ZDHHC4: variants seen among roughly 807,000 people sequenced by gnomAD.
The protein encoded by ZDHHC4 is zDHHC palmitoyltransferase 4, also known as palmitoyltransferase ZDHHC4.
A neutral mutation model predicts 36.7 loss-of-function variants in ZDHHC4; 42 were observed. That is an observed-to-expected ratio of 1.14 (90% CI 0.89 to 1.48). The LOEUF is 1.48. Ranked by LOEUF, ZDHHC4 falls within the 40% of genes most tolerant of loss-of-function variation. The pLI, the probability that ZDHHC4 is intolerant of heterozygous loss-of-function variation, is 0.00. For synonymous variants in ZDHHC4, 189 were observed against 166.6 expected (o/e 1.13, Z -1.03); for missense variants, 457 against 421.5 (o/e 1.08, Z -0.74).
intron 7 of ZDHHC4, among the ~76,000 whole-genome samples, chr7:6,588,379 T>G (rs1237550682): frequency 6.6e-6 from 1 of 152,218 alleles, no homozygotes. Context: ...CTAAGTAAAC[T>G]TTCCCTTTTC....
intron 7 of ZDHHC4, among the ~76,000 whole-genome samples, chr7:6,586,659 A>G (rs547396392): frequency 6.6e-6 from 1 of 152,066 alleles, no homozygotes; most frequent in Non-Finnish European, 1.5e-5. Context: ...TAATTTTAGC[A>G]GAGAAGGGGT....
chr7:6,580,919 A>T (rs1780801666), intron 3 of ZDHHC4: 2 of 499,598 alleles, frequency 4.0e-6, no homozygotes, highest in Non-Finnish European at 3.6e-6. Flanking sequence ...CTGTCTCAAC[A>T]ACAACAAAAA....
At chr7:6,582,324 A>G (rs1780912743) in intron 5 of ZDHHC4, 73 bp downstream of exon 5, 3 of 1,360,674 alleles carry the variant, frequency 2.2e-6, no homozygotes, top group South Asian at 1.5e-5. Context: ...AAACAAGGAG[A>G]GGCCCCCCCT....
chr7:6,580,157 C>A (rs1011370499), intron 2 of ZDHHC4, among the ~76,000 whole-genome samples: 2 of 151,950 alleles, frequency 1.3e-5, no homozygotes, highest in African/African-American at 4.8e-5. Flanking sequence ...GTTTATCTTT[C>A]TTTTTTTATT....
At position 6,583,319 on chromosome 7, in the gene ZDHHC4, AG is replaced by A; in HGVS notation, c.385del (p.Ala129GlnfsTer15). The stretch of plus-strand genomic sequence containing the variant: ...TACTTTTCCCAGGCATTATAACAAA[AG>A]CAAATGAATTATTATTTCTTCATGT... ...CGTNPGIITK[A>X]NELLFLHVYE... On this transcript the variant is annotated frameshift_variant, in exon 6 of 8. Coordinates refer to ENST00000335965, the MANE Select transcript of ZDHHC4 (RefSeq NM_001134389.2). LOFTEE classifies it high-confidence loss of function. 1 of 1,614,066 alleles carries A rather than the reference AG, an allele frequency of 6.2e-7. No homozygotes were observed. Among genetic ancestry groups the A allele is most frequent in the Non-Finnish European group, 8.5e-7 (1 of 1,179,978 alleles).
At chr7:6,579,508 C>G (rs114252262) in intron 2 of ZDHHC4, among the ~76,000 whole-genome samples, 4 of 152,074 alleles carry the variant, frequency 2.6e-5, no homozygotes, top group Non-Finnish European at 5.9e-5. Flanking sequence ...CCTCAGTATC[C>G]AGTATTTTAA....
At chr7:6,584,845 G>C in intron 6 of ZDHHC4, 171 bp from the exon 7 acceptor site, 1 of 909,530 alleles carries the variant, frequency 1.1e-6, no homozygotes, top group Non-Finnish European at 1.6e-6. Context: ...CATTTGGCTG[G>C]TTGCTCCTGT....
Position 6,588,700 on chromosome 7 carries a change from G to T in ZDHHC4, c.825G>T (p.Leu275Phe), listed in dbSNP as rs1364115051. ...VLSFLLGGYL[L>F]FVLYLAATNQ... ...GCTTCCTCCTGGGTGGCTACCTGTT[G>T]TTTGTCCTGTATCTGGCGGCCACCA... The change falls in exon 8 of 8, where the codon TTG becomes TTT. Residue 275 changes from leucine (L) to phenylalanine (F), a missense_variant. Coordinates refer to ENST00000335965, the MANE Select transcript of ZDHHC4 (RefSeq NM_001134389.2). The T allele has an allele frequency of 8.7e-6, 14 of 1,614,086 alleles. No homozygotes were observed. The highest frequency in any genetic ancestry group is 1.2e-5 in the Non-Finnish European group (14 of 1,180,044).
chr7:6,584,940 GA>G (rs1781127400), intron 6 of ZDHHC4, 75 bp from the exon 7 acceptor site: 8 of 1,575,506 alleles, frequency 5.1e-6, no homozygotes, highest in Non-Finnish European at 6.9e-6. Context: ...GACAGATTAT[GA>G]AAATCTCAGC....
rs954158780 is a variant in ZDHHC4, at chr7:6,582,229, C to A, written c.348C>A (p.Thr116=). Residue 116 remains threonine (T), a synonymous_variant, in exon 5 of 8, where the codon ACC becomes ACA. Transcript: ENST00000335965. ...LLLGVNLFFF[T]LTCGTNPGII... is the part of the protein sequence containing the mutation. ...TAGGTGTAAACCTGTTTTTTTTCAC[C>A]CTGACTTGTGGAACCAATCCTGGTA... The A allele has an allele frequency of 8.1e-6, 13 of 1,613,914 alleles. No homozygotes were observed. In the East Asian group the frequency reaches 2.9e-4, roughly 36 times the overall value.
intron 3 of ZDHHC4, 131 bp downstream of exon 3, chr7:6,580,809 C>T: frequency 1.2e-6 from 1 of 834,284 alleles, no homozygotes; most frequent in Non-Finnish European, 1.9e-6. Flanking sequence ...TCCCGCTACT[C>T]AGGAAGCTGA....
intron 7 of ZDHHC4, 121 bp downstream of exon 7, chr7:6,585,381 T>C: frequency 7.2e-7 from 1 of 1,381,208 alleles, no homozygotes; most frequent in Non-Finnish European, 9.7e-7. Context: ...CCCAGCACTT[T>C]TGGAGGCCGA....
intron 7 of ZDHHC4, 51 bp from the exon 8 acceptor site, chr7:6,588,566 A>T: frequency 3.8e-6 from 6 of 1,585,572 alleles, no homozygotes; most frequent in Non-Finnish European, 5.2e-6. Context: ...GTTCACTCTC[A>T]TGGATGTCAC....
chr7:6,587,051 T>G (rs1411829329), intron 7 of ZDHHC4, among the ~76,000 whole-genome samples: 1 of 151,524 alleles, frequency 6.6e-6, no homozygotes, highest in Admixed American at 6.6e-5. Flanking sequence ...ATGGTAACTT[T>G]TTTTTTTTTT....
At chr7:6,583,689 G>A in intron 6 of ZDHHC4, 2 of 377,080 alleles carry the variant, frequency 5.3e-6, no homozygotes, top group Non-Finnish European at 9.4e-6. Context: ...CTCCCCACAA[G>A]TTGTTTCTGC....
At chr7:6,583,610 G>A in intron 6 of ZDHHC4, 179 bp downstream of exon 6, 1 of 839,256 alleles carries the variant, frequency 1.2e-6, no homozygotes, top group Non-Finnish European at 1.8e-6. Flanking sequence ...CAGGTCTTGT[G>A]TTCCTGTGTA....
In ZDHHC4 at chr7:6,583,230, T is replaced by A; in HGVS notation, c.371-76T>A. The A allele has an allele frequency of 3.9e-6, 6 of 1,521,626 alleles. No individual in the cohort carries two copies. In the Admixed American group the frequency reaches 7.7e-5, roughly 19 times the overall value. 94.3% of individuals were successfully genotyped at this position (1,521,626 alleles called of 1,614,324 possible). ...ATTAAAGATAGCAGTTTCAGTTGTG[T>A]TTTATCAGGACGGGTTTTGTGACTA... On this transcript the variant is annotated intron_variant, in intron 5 of 7. Transcript: ENST00000335965.
At chr7:6,585,731 G>A (rs201437403) in intron 7 of ZDHHC4, among the ~76,000 whole-genome samples, 1 of 121,142 alleles carries the variant, frequency 8.3e-6, no homozygotes, top group African/African-American at 2.6e-5. Flanking sequence ...GCTTGAACCC[G>A]GGAGGGAGAG....
At chr7:6,579,924 TC>T (rs952362971) in intron 2 of ZDHHC4, among the ~76,000 whole-genome samples, 1 of 151,964 alleles carries the variant, frequency 6.6e-6, no homozygotes, top group African/African-American at 2.4e-5. Flanking sequence ...TCACCTGAGT[TC>T]AAGAGTTCGA....
Sources: allele counts gnomAD v4.1 joint callset (sites outside exome capture counted in the v4.1 genomes callset), GRCh38; gene constraint gnomAD v4.1.1; transcripts MANE v1.5; gene names NCBI Gene and HGNC (gene_info 2026-07-23, HGNC 2026-07-21).